GALNT16: variants seen among roughly 807,000 people sequenced by gnomAD.
GALNT16 encodes the protein UDP-GalNAc:polypeptide N-acetylgalactosaminyltransferase-like protein 1.
A neutral mutation model predicts 76.1 loss-of-function variants in GALNT16; 40 were observed. The ratio of observed to expected loss-of-function variants is 0.53; its 90% CI spans 0.41 to 0.68. The LOEUF is 0.68. GALNT16 is among the 30% of genes least tolerant of loss of function. GALNT16 has a pLI of 0.00. For synonymous variants in GALNT16, 276 were observed against 285.2 expected (o/e 0.97, Z 0.32); for missense variants, 621 against 731.9 (o/e 0.85, Z 1.75).
chr14:69,332,194 C>T (rs1035008142), intron 7 of GALNT16, among the ~76,000 whole-genome samples: 3 of 152,158 alleles, frequency 2.0e-5, no homozygotes, highest in Admixed American at 6.5e-5. Context: ...AAAAATATTT[C>T]GTCCAAATTA....
the GALNT16 span, among the ~76,000 whole-genome samples, chr14:69,366,892 A>G: frequency 6.6e-6 from 1 of 152,196 alleles, no homozygotes; most frequent in Non-Finnish European, 1.5e-5. Flanking sequence ...AATCACACCA[A>G]CAGTCCCACA....
chr14:69,347,739 T>C (rs887856778), intron 13 of GALNT16, 138 bp from the exon 14 acceptor site: 12 of 880,896 alleles, frequency 1.4e-5, no homozygotes, highest in African/African-American at 1.3e-4. Context: ...TGAATACCCA[T>C]ACATCTACCC....
At position 69,353,163 on chromosome 14, in the gene GALNT16, C is replaced by T. The variant is rs1417143418; in HGVS notation, c.*995C>T. ...CTCCTGCTTTCTCAAAGGTTTTTGC[C>T]TCTGTCAATACAGCATCATGGGTGG... On this transcript the variant is annotated 3_prime_UTR_variant, in exon 15 of 15. Coordinates refer to ENST00000448469, the MANE Select transcript of GALNT16 (RefSeq NM_001168368.2). Among the ~76,000 whole-genome samples the T allele has an allele frequency of 2.0e-5, 3 of 152,152 alleles. No homozygotes were observed. The highest frequency in any genetic ancestry group is 4.4e-5 in the Non-Finnish European group (3 of 68,024).
chr14:69,269,379 A>ATG (rs2044376271), intron 1 of GALNT16, among the ~76,000 whole-genome samples: 2 of 61,868 alleles, frequency 3.2e-5, no homozygotes, highest in South Asian at 1.8e-3. Flanking sequence ...TATGGGGCGC[A>ATG]CGTGTGTGTG....
At chr14:69,266,512 A>G (rs1294946802) in intron 1 of GALNT16, among the ~76,000 whole-genome samples, 3 of 152,216 alleles carry the variant, frequency 2.0e-5, no homozygotes, top group Non-Finnish European at 4.4e-5. Context: ...AGAAAAGGCA[A>G]GAGACTTATT....
intron 1 of GALNT16, among the ~76,000 whole-genome samples, chr14:69,318,474 G>A (rs1224413873): frequency 1.3e-5 from 2 of 152,172 alleles, no homozygotes; most frequent in African/African-American, 4.8e-5. Flanking sequence ...GTGGAGCTTT[G>A]TTGAATGAAT....
intron 1 of GALNT16, among the ~76,000 whole-genome samples, chr14:69,284,488 A>G (rs1408939884): frequency 6.6e-6 from 1 of 152,206 alleles, no homozygotes; most frequent in African/African-American, 2.4e-5. Flanking sequence ...CTCACTCATG[A>G]CAAATAATGC....
chr14:69,328,113 GT>G (rs763270822), intron 5 of GALNT16, among the ~76,000 whole-genome samples: 31 of 152,158 alleles, frequency 2.0e-4, no homozygotes, highest in Non-Finnish European at 2.1e-4. Context: ...ATGGGAAAAA[GT>G]TTTGTTTTCT....
intron 1 of GALNT16, among the ~76,000 whole-genome samples, chr14:69,285,224 T>C (rs1282852209): frequency 6.6e-6 from 1 of 152,154 alleles, no homozygotes; most frequent in Non-Finnish European, 1.5e-5. Flanking sequence ...GTATTTTTAG[T>C]AGAGACGGGG....
chr14:69,320,272 A>T (rs2045158421), intron 1 of GALNT16, among the ~76,000 whole-genome samples: 1 of 152,180 alleles, frequency 6.6e-6, no homozygotes, highest in Admixed American at 6.5e-5. Context: ...AGGTGGGTGG[A>T]TCACTTGAGG....
chr14:69,325,949 T>C lies in GALNT16; in HGVS notation c.503-13T>C. On this transcript the variant is annotated splice_polypyrimidine_tract_variant and intron_variant, in intron 4 of 14. Transcript: ENST00000448469. ...ATGTCTAAATGAGCTTGCCTTCCTC[T>C]TTGCATCCTCAGCGGAAGACTGTCT... 1 of 1,612,420 alleles carries C rather than the reference T, an allele frequency of 6.2e-7. No individual in the cohort carries two copies. Among genetic ancestry groups the C allele is most frequent in the Non-Finnish European group, 8.5e-7 (1 of 1,178,466 alleles).
chr14:69,374,562 T>G, the GALNT16 span, among the ~76,000 whole-genome samples: 1 of 152,260 alleles, frequency 6.6e-6, no homozygotes, highest in South Asian at 2.1e-4. Flanking sequence ...AGACTGTGAG[T>G]CCACCACAGA....
chr14:69,333,852 G>T lies in GALNT16; in HGVS notation c.967+252G>T. 2.2e-6 allele frequency: 1 copy of T among 457,612 alleles called. No individual in the cohort carries two copies. Among genetic ancestry groups the T allele is most frequent in the South Asian group, 2.7e-5 (1 of 37,588 alleles). The allele number at this position is 457,612 out of a possible 1,614,324, so 28.3% of individuals were successfully genotyped here. A position where few individuals can be genotyped will look rare whatever the true frequency, so the allele number is the denominator to read the frequency against. On this transcript the variant is annotated intron_variant, in intron 9 of 14. Transcript: ENST00000448469. The surrounding 1 kb of genome is among the most constrained non-coding windows in gnomAD (Gnocchi z 4.2). Reference sequence around the variant, plus strand: ...AGTAAACAAAGAGGTTCTATTTAGGGGGAGCCCGTGGTCACATGGCTGGAC... The same window carrying T: ...AGTAAACAAAGAGGTTCTATTTAGGTGGAGCCCGTGGTCACATGGCTGGAC...
chr14:69,373,658 A>G, the GALNT16 span, among the ~76,000 whole-genome samples: 2 of 152,242 alleles, frequency 1.3e-5, no homozygotes, highest in Admixed American at 6.5e-5. Context: ...TGGAGTAGAC[A>G]GGAAAGCAAA....
chr14:69,265,408 G>A (rs1280705198), intron 1 of GALNT16, among the ~76,000 whole-genome samples: 3 of 152,182 alleles, frequency 2.0e-5, no homozygotes, highest in East Asian at 3.9e-4. Flanking sequence ...TTCCATGGTG[G>A]CTGTGTTTGT....
the GALNT16 span, among the ~76,000 whole-genome samples, chr14:69,368,519 G>A: frequency 6.6e-6 from 1 of 152,230 alleles, no homozygotes; most frequent in African/African-American, 2.4e-5. Context: ...CAGAGAGACT[G>A]AGAGAGCACA....
intron 2 of GALNT16, 134 bp downstream of exon 2, chr14:69,321,002 A>G (rs2045172887): frequency 6.4e-6 from 6 of 938,762 alleles, no homozygotes; most frequent in South Asian, 3.5e-5. Flanking sequence ...TAGACATTCA[A>G]AAACCCTCAC....
rs2044274003 is a variant in GALNT16 at position 69,261,597 on chromosome 14, A to T, written c.177+1130A>T. ...ATCTGGGCCTGGGGGTGGAGGGGTG[A>T]GGAGATCCGCGGGGGAGGTGCAAGG... On this transcript the variant is annotated intron_variant, in intron 1 of 14. Coordinates refer to ENST00000448469, the MANE Select transcript of GALNT16 (RefSeq NM_001168368.2). This position sits in a 1 kb window ranked among gnomAD's most constrained non-coding sequence, Gnocchi z 6.4. Among the ~76,000 whole-genome samples, 1 of 149,110 alleles carries T rather than the reference A, an allele frequency of 6.7e-6. No homozygotes were observed. Among genetic ancestry groups the T allele is most frequent in the Non-Finnish European group, 1.5e-5 (1 of 67,266 alleles).
the GALNT16 span, among the ~76,000 whole-genome samples, chr14:69,374,288 A>C: frequency 6.6e-6 from 1 of 151,080 alleles, no homozygotes; most frequent in Non-Finnish European, 1.5e-5. Context: ...TCCACTTAAC[A>C]CTCCCCCAGC....
Sources: allele counts gnomAD v4.1 joint callset (sites outside exome capture counted in the v4.1 genomes callset), GRCh38; gene constraint gnomAD v4.1.1; non-coding constraint Gnocchi (gnomAD v3.1); transcripts MANE v1.5; gene names NCBI Gene and HGNC (gene_info 2026-07-23, HGNC 2026-07-21).